ROBO1: variants seen among roughly 807,000 people sequenced by gnomAD.
The protein encoded by ROBO1 is roundabout homolog 1.
Under a neutral mutation model 195.9 loss-of-function variants are expected in ROBO1, and 149 were observed. That is an observed-to-expected ratio of 0.76 (90% confidence interval 0.67 to 0.87). The LOEUF (loss-of-function observed/expected upper bound fraction) is 0.87, where lower values mean the gene tolerates loss of function less well. ROBO1 is among the 40% of genes least tolerant of loss of function. The probability of loss-of-function intolerance (pLI) is 0.00; values close to 1 mark genes in which losing one functional copy is unlikely to be tolerated. For synonymous variants in ROBO1, 816 were observed against 733.2 expected, an observed-to-expected ratio of 1.11 and a Z score of -1.82; for missense variants, 1,933 against 2,068.3, an observed-to-expected ratio of 0.93 and a Z score of 1.27.
At chr3:79,677,822 A>T (rs7617489) in intron 1 of ROBO1, among the ~76,000 whole-genome samples, 1 of 151,902 alleles carries the variant, frequency 6.6e-6, no homozygotes, top group African/African-American at 2.4e-5. Context: ...TGGAGGTGCT[A>T]AATGAGAACA....
chr3:79,440,083 G>A lies in ROBO1; in HGVS notation c.88+149741C>T, dbSNP rs150940636. ...GAGGAAATCTGTCCAGTATTCTCTC[G>A]TTATCTACACATCTAGAGTCTTCAT... On this transcript the variant is annotated intron_variant, in intron 2 of 30. Transcript: ENST00000464233. Among the ~76,000 whole-genome samples the A allele has an allele frequency of 2.4e-3, 359 of 152,078 alleles. 1 individual carries two copies. The highest frequency in any genetic ancestry group is 7.7e-3 in the African/African-American group (321 of 41,512).
chr3:78,994,637 T>C (rs1004155276), intron 3 of ROBO1, among the ~76,000 whole-genome samples: 1 of 152,186 alleles, frequency 6.6e-6, no homozygotes, highest in Non-Finnish European at 1.5e-5. Context: ...CACATTTTCC[T>C]CTCTAAAACA....
chr3:79,421,647 TC>T, intron 2 of ROBO1, among the ~76,000 whole-genome samples: 1 of 152,274 alleles, frequency 6.6e-6, no homozygotes, highest in South Asian at 2.1e-4. Context: ...TGTCTTAGCT[TC>T]TTTTTGCCTT....
intron 10 of ROBO1, among the ~76,000 whole-genome samples, chr3:78,680,465 T>C (rs1223247553): frequency 3.3e-5 from 5 of 151,976 alleles, no homozygotes; most frequent in African/African-American, 1.2e-4. Flanking sequence ...GAATCTACAA[T>C]GAACTCCAAC....
intron 2 of ROBO1, among the ~76,000 whole-genome samples, chr3:79,214,764 ATATAT>A (rs1251706345): frequency 6.8e-6 from 1 of 147,632 alleles, no homozygotes; most frequent in Admixed American, 6.8e-5. Flanking sequence ...TATATATAGC[ATATAT>A]TATAGCATAT....
At chr3:78,643,250 T>C (rs918673188) in intron 21 of ROBO1, among the ~76,000 whole-genome samples, 1 of 152,172 alleles carries the variant, frequency 6.6e-6, no homozygotes, top group Non-Finnish European at 1.5e-5. Flanking sequence ...AACACAGTCA[T>C]AGAAAATATG....
At chr3:79,303,017 ATATT>A (rs1401087574) in intron 2 of ROBO1, among the ~76,000 whole-genome samples, 3 of 152,122 alleles carry the variant, frequency 2.0e-5, no homozygotes, top group Non-Finnish European at 4.4e-5. Flanking sequence ...TCAATTTTAA[ATATT>A]TATTCATTTG....
intron 2 of ROBO1, among the ~76,000 whole-genome samples, chr3:79,521,190 C>G (rs1941193346): frequency 6.6e-6 from 1 of 152,056 alleles, no homozygotes; most frequent in Non-Finnish European, 1.5e-5. Flanking sequence ...TAAATGTGTT[C>G]CAGGACTATA....
intron 4 of ROBO1, among the ~76,000 whole-genome samples, chr3:78,903,443 A>T (rs993389710): frequency 1.3e-5 from 2 of 151,862 alleles, no homozygotes; most frequent in Non-Finnish European, 2.9e-5. Flanking sequence ...GAGGGAAAAA[A>T]ATCTTGACAC....
intron 3 of ROBO1, among the ~76,000 whole-genome samples, chr3:79,032,844 T>C (rs2078320192): frequency 6.6e-6 from 1 of 151,952 alleles, no homozygotes; most frequent in African/African-American, 2.4e-5. Context: ...TAGCAGAAAA[T>C]CCCTCCCCTA....
intron 4 of ROBO1, among the ~76,000 whole-genome samples, chr3:78,892,023 AT>A (rs2036928587): frequency 6.6e-6 from 1 of 152,228 alleles, no homozygotes; most frequent in Non-Finnish European, 1.5e-5. Context: ...TTGTGAGTAT[AT>A]TCACCAATAG....
chr3:79,605,734 C>A (rs566437163), intron 1 of ROBO1, among the ~76,000 whole-genome samples: 1 of 152,050 alleles, frequency 6.6e-6, no homozygotes, highest in Admixed American at 6.6e-5. Flanking sequence ...TTCATTGCAT[C>A]TCTAAATTAT....
intron 2 of ROBO1, among the ~76,000 whole-genome samples, chr3:79,174,082 A>C (rs1282112349): frequency 1.3e-5 from 2 of 152,104 alleles, no homozygotes; most frequent in African/African-American, 4.8e-5. Flanking sequence ...GTGCCAGATA[A>C]GAGAATAAAA....
intron 2 of ROBO1, among the ~76,000 whole-genome samples, chr3:79,201,251 G>T (rs534770063): frequency 6.6e-6 from 1 of 152,016 alleles, no homozygotes; most frequent in Non-Finnish European, 1.5e-5. Context: ...AACTACCATA[G>T]TTCTCATAAT....
At chr3:79,547,500 A>T (rs1942314990) in intron 2 of ROBO1, among the ~76,000 whole-genome samples, 1 of 152,170 alleles carries the variant, frequency 6.6e-6, no homozygotes, top group South Asian at 2.1e-4. Flanking sequence ...TGAAAATAAG[A>T]TTGTAAAGTT....
chr3:79,328,071 A>G lies in ROBO1; in HGVS notation c.89-202532T>C, dbSNP rs2034287506. Among the ~76,000 whole-genome samples the G allele has an allele frequency of 1.3e-5, 2 of 152,240 alleles. 1 individual carries two copies. Among genetic ancestry groups the G allele is most frequent in the South Asian group, 4.1e-4 (2 of 4,838 alleles). ...AATTTTGCAAAACATGTAAAATATG[A>G]CATTAATTAAATATGTATAGCTTTT... On this transcript the variant is annotated intron_variant, in intron 2 of 30. Transcript: ENST00000464233.
intron 2 of ROBO1, among the ~76,000 whole-genome samples, chr3:79,444,297 G>A (rs570370642): frequency 6.6e-6 from 1 of 152,012 alleles, no homozygotes; most frequent in South Asian, 2.1e-4. Flanking sequence ...CAAACAAAAT[G>A]GGTTTTTTGA....
At chr3:78,797,508 C>T (rs451056) in intron 4 of ROBO1, among the ~76,000 whole-genome samples, 8,991 of 152,178 alleles carry the variant, frequency 0.059, 325 homozygotes, top group Middle Eastern at 0.11. Context: ...CCTTAGCTAG[C>T]CATCTTCCAG....
At chr3:79,236,838 T>C (rs1408282737) in intron 2 of ROBO1, among the ~76,000 whole-genome samples, 3 of 152,144 alleles carry the variant, frequency 2.0e-5, no homozygotes, top group African/African-American at 7.2e-5. Context: ...GCAGGTTAAA[T>C]GAAAACAGAT....
Sources: gnomAD v4.1 joint callset for allele counts (sites outside exome capture counted in the v4.1 genomes callset) on GRCh38, gnomAD v4.1.1 for gene constraint, MANE v1.5 for transcripts, NCBI Gene and HGNC (gene_info 2026-07-23, HGNC 2026-07-21) for gene names.